Variants in DGKK observed in about 807,000 individuals in gnomAD.
DGKK encodes the protein 142 kDa diacylglycerol kinase.
A neutral mutation model predicts 92.2 loss-of-function variants in DGKK; 35 were observed. That is an observed-to-expected ratio of 0.38 (90% CI 0.29 to 0.50). DGKK has a LOEUF of 0.50. Among genes scored for constraint, DGKK ranks in the 20% least tolerant of loss-of-function variants. The pLI, the probability that DGKK is intolerant of heterozygous loss-of-function variation, is 0.92. For synonymous variants in DGKK, 368 were observed against 360.6 expected, an observed-to-expected ratio of 1.02 and a Z score of -0.23; for missense variants, 910 against 992.2, an observed-to-expected ratio of 0.92 and a Z score of 1.11.
At chrX:50,374,916 G>T in intron 25 of DGKK, 55 bp downstream of exon 25, 2 of 1,067,269 alleles carry the variant, frequency 1.9e-6, no homozygotes, top group South Asian at 1.9e-5. Context: ...ACAAGACCAT[G>T]ACCATGTTCA....
chrX:50,392,301 C>G, intron 10 of DGKK, 40 bp downstream of exon 10: 1 of 1,085,578 alleles, frequency 9.2e-7, no homozygotes, highest in Non-Finnish European at 1.3e-6. Flanking sequence ...CACCCCTACT[C>G]TTTCTAGCAA....
Position 50,388,625 on chromosome X carries a change from GC to G in DGKK, c.1927-8del, listed in dbSNP as rs1368467396. 1 of 1,175,308 alleles carries G rather than the reference GC, an allele frequency of 8.5e-7. No homozygotes were observed. The highest frequency in any genetic ancestry group is 1.2e-6 in the Non-Finnish European group (1 of 868,923). ...AGTGTTGGATGGCAGCAGCCTAGGG[GC>G]AAAAGGAGTTCTTAGCCCTGGAATC... is the stretch of plus-strand genomic sequence containing the variant. On this transcript the variant is annotated splice_region_variant and splice_polypyrimidine_tract_variant and intron_variant, in intron 12 of 27. Coordinates refer to ENST00000611977, the MANE Select transcript of DGKK (RefSeq NM_001013742.4).
chrX:50,366,058 TACAACCAA>T lies in DGKK; in HGVS notation c.*2874_*2881del, dbSNP rs1923967612. The stretch of plus-strand genomic sequence containing the variant: ...ATTCGTCAGAAAGTGCTACCAAAGA[TACAACCAA>T]ACCCTAGAGCTTTGGGTCTTAATGA... On this transcript the variant is annotated 3_prime_UTR_variant, in exon 28 of 28. Coordinates refer to ENST00000611977, the MANE Select transcript of DGKK (RefSeq NM_001013742.4). 1 of 111,826 alleles carries T rather than the reference TACAACCAA, an allele frequency of 8.9e-6. No homozygotes were observed. The highest frequency in any genetic ancestry group is 3.8e-4 in the South Asian group (1 of 2,619). The allele number at this position is 111,826 out of a possible 1,213,427, so 9.2% of individuals were successfully genotyped here.
In DGKK at chrX:50,457,342, A is replaced by G. The variant is rs782588822; in HGVS notation, c.645+12692T>C. Among the ~76,000 whole-genome samples the G allele has an allele frequency of 1.6e-4, 18 of 111,668 alleles. No homozygotes were observed. In the Admixed American group the frequency reaches 1.7e-3, roughly 11 times the overall value. ...CAAACTTCCTTGGACACCAACTTTAAGAGGCCTGAGTCATTCAAATCATTA... is the reference window on the plus strand; with the variant it reads ...CAAACTTCCTTGGACACCAACTTTAGGAGGCCTGAGTCATTCAAATCATTA... On this transcript the variant is annotated intron_variant, in intron 1 of 27. Transcript: ENST00000611977.
Position 50,470,114 on chromosome X carries a change from G to A in DGKK, c.565C>T (p.Arg189Ter). Residue 189 changes from arginine (R) to a stop codon, truncating the protein, a stop_gained, in exon 1 of 28, where the codon CGA becomes TGA. Transcript: ENST00000611977. LOFTEE classifies it high-confidence loss of function. ...GGCGAGGTCTTTAGACCTCTCTCTCGAGTGTCCACCGGACATTGCAATAGA... is the reference window on the plus strand; with the variant it reads ...GGCGAGGTCTTTAGACCTCTCTCTCAAGTGTCCACCGGACATTGCAATAGA... ...PCLLQCPVDTRERGLKTSPSP... is the reference protein window; with the variant it reads ...PCLLQCPVDT 1 of 1,212,066 alleles carries A rather than the reference G, an allele frequency of 8.3e-7. No individual in the cohort carries two copies. Among genetic ancestry groups the A allele is most frequent in the Non-Finnish European group, 1.1e-6 (1 of 895,494 alleles).
At position 50,366,315 on chromosome X, in the gene DGKK, C is replaced by A. The variant is rs1326477647; in HGVS notation, c.*2625G>T. ...TTTTGGGAAACTACTGGTAACTTAG[C>A]AATTTAGGAGGTAACTGAGGGATTG... is the stretch of plus-strand genomic sequence containing the variant. On this transcript the variant is annotated 3_prime_UTR_variant, in exon 28 of 28. Transcript: ENST00000611977. The A allele has an allele frequency of 1.8e-5, 2 of 111,708 alleles. No homozygotes were observed. The highest frequency in any genetic ancestry group is 6.5e-5 in the African/African-American group (2 of 30,757). 9.2% of individuals were successfully genotyped at this position (111,708 alleles called of 1,213,427 possible).
At chrX:50,419,487 A>G (rs1433099620) in intron 4 of DGKK, among the ~76,000 whole-genome samples, 1 of 112,170 alleles carries the variant, frequency 8.9e-6, no homozygotes, top group East Asian at 2.8e-4. Context: ...TATTTAAGAC[A>G]TTAGGTTGTT....
At chrX:50,384,648 A>G in intron 16 of DGKK, 72 bp downstream of exon 16, 2 of 976,762 alleles carry the variant, frequency 2.0e-6, no homozygotes, top group Non-Finnish European at 2.9e-6. Flanking sequence ...TAAAAAATAC[A>G]TATTTATTCT....
intron 1 of DGKK, among the ~76,000 whole-genome samples, chrX:50,447,331 TATATATATATATTATATATATATATA>T (rs1278243076): frequency 1.4e-3 from 34 of 23,478 alleles, no homozygotes; most frequent in African/African-American, 3.0e-3. Flanking sequence ...TGTATGTATA[TATATATATATATTATATATATATATA>T]ATATATATAT....
chrX:50,425,542 T>C lies in DGKK; in HGVS notation c.646-1184A>G, dbSNP rs199526945. 6.2e-3 allele frequency among the ~76,000 whole-genome samples: 642 copies of C among 104,303 alleles called. 1 individual carries two copies. The highest frequency in any genetic ancestry group is 9.1e-3 in the African/African-American group (252 of 27,568). The allele number at this position is 104,303 out of a possible 115,157, so 90.6% of individuals were successfully genotyped here. The stretch of plus-strand genomic sequence containing the variant: ...TCTCCCAAATACACACACACACACA[T>C]ACACACACACACACACACGTACTCA... On this transcript the variant is annotated intron_variant, in intron 1 of 27. Coordinates refer to ENST00000611977, the MANE Select transcript of DGKK (RefSeq NM_001013742.4).
chrX:50,462,882 CTTTTTTTTTTTT>C (rs548003185), intron 1 of DGKK, among the ~76,000 whole-genome samples: 95 of 15,780 alleles, frequency 6.0e-3, no homozygotes, highest in African/African-American at 0.01. Context: ...CCTTTCCTTG[CTTTTTTTTTTTT>C]TTTTTTTTTT....
At chrX:50,397,705 G>A (rs782567685) in intron 8 of DGKK, among the ~76,000 whole-genome samples, 13 of 112,044 alleles carry the variant, frequency 1.2e-4, no homozygotes, top group Admixed American at 9.5e-4. Context: ...TATCTTAGTC[G>A]TTGCTCAGCA....
At chrX:50,373,760 C>A (rs932784654) in intron 25 of DGKK, among the ~76,000 whole-genome samples, 1 of 112,155 alleles carries the variant, frequency 8.9e-6, no homozygotes, top group African/African-American at 3.2e-5. Context: ...GAGAGGCAAG[C>A]ACAGCACCTG....
At position 50,390,336 on chromosome X, in the gene DGKK, G is replaced by A; in HGVS notation, c.1918C>T (p.Arg640Ter). 8 of 1,209,555 alleles carry A rather than the reference G, an allele frequency of 6.6e-6. No homozygotes were observed. Among genetic ancestry groups the A allele is most frequent in the Non-Finnish European group, 7.8e-6 (7 of 893,648 alleles). The part of the protein sequence containing the change: ...LKGQVEMDVP[R>*]FEAAAIQHLE... ...AGCTGAACAGTAGTTACCTCAAATC[G>A]TGGTACATCCATTTCAACCTGTCCT... Residue 640 changes from arginine to a stop codon, truncating the protein, a stop_gained, in exon 12 of 28, where the codon CGA becomes TGA. Transcript: ENST00000611977. LOFTEE classifies it high-confidence loss of function.
At chrX:50,410,480 G>T (rs186656441) in intron 4 of DGKK, among the ~76,000 whole-genome samples, 1 of 112,257 alleles carries the variant, frequency 8.9e-6, no homozygotes, top group African/African-American at 3.2e-5. Context: ...ATATTTAGCT[G>T]AGGATATTTG....
At chrX:50,449,769 C>T (rs1293365588) in intron 1 of DGKK, among the ~76,000 whole-genome samples, 2 of 111,713 alleles carry the variant, frequency 1.8e-5, no homozygotes, top group African/African-American at 6.5e-5. Flanking sequence ...ACTGACTTCT[C>T]CAGCTACAGT....
At chrX:50,389,868 C>T (rs1443817713) in intron 12 of DGKK, among the ~76,000 whole-genome samples, 3 of 111,267 alleles carry the variant, frequency 2.7e-5, no homozygotes, top group Non-Finnish European at 5.7e-5. Context: ...TTAATTCCCT[C>T]TGGATCTCAA....
At chrX:50,462,955 G>A (rs1486035267) in intron 1 of DGKK, among the ~76,000 whole-genome samples, 1 of 81,389 alleles carries the variant, frequency 1.2e-5, no homozygotes, top group Non-Finnish European at 2.3e-5. Flanking sequence ...TAAGGTCCCT[G>A]GGATAGGGTG....
chrX:50,468,284 C>T (rs781863990), intron 1 of DGKK, among the ~76,000 whole-genome samples: 1 of 111,679 alleles, frequency 9.0e-6, no homozygotes, highest in Non-Finnish European at 1.9e-5. Context: ...GGTATTACGT[C>T]CCCACGTGTC....
Sources: allele counts gnomAD v4.1 joint callset (sites outside exome capture counted in the v4.1 genomes callset), GRCh38; gene constraint gnomAD v4.1.1; transcripts MANE v1.5; gene names NCBI Gene and HGNC (gene_info 2026-07-23, HGNC 2026-07-21).